Variants in ZNF799 observed in about 807,000 individuals in gnomAD.
ZNF799 encodes zinc finger protein 799, also known as zinc finger protein 14.
ZNF799 carries 28 observed loss-of-function variants against 41.0 expected under a neutral mutation model. That is an observed-to-expected ratio of 0.68 (90% confidence interval 0.51 to 0.94). The LOEUF is 0.94. ZNF799 is among the 40% of genes least tolerant of loss of function. ZNF799 has a pLI of 0.00. For synonymous variants in ZNF799, 213 were observed against 252.9 expected (o/e 0.84, Z 1.50); for missense variants, 716 against 764.3 (o/e 0.94, Z 0.74).
rs538671708 is a variant in ZNF799, at chr19:12,392,629, T to G, written c.165A>C (p.Gln55His). 8 of 1,600,700 alleles carry G rather than the reference T, an allele frequency of 5.0e-6. No individual in the cohort carries two copies. The African/African-American group carries it at 8.0e-5, about 16-fold the overall frequency. Residue 55 changes from glutamine (Q) to histidine (H), a missense_variant, in exon 3 of 4, where the codon CAA becomes CAC. This residue lies in a region of ZNF799 where 698 missense variants were observed against 713.6 expected (regional missense o/e 0.98). Coordinates refer to ENST00000430385, the MANE Select transcript of ZNF799 (RefSeq NM_001080821.3). ...TTAGATTTTTCCTGGGATATCTATATTGATCTTCAATGTTCTGGTCTTTCC... is the reference window on the plus strand; with the variant it reads ...TTAGATTTTTCCTGGGATATCTATAGTGATCTTCAATGTTCTGGTCTTTCC... ...MKWKDQNIED[Q>H]YRYPRKNLRC... is the part of the protein sequence containing the mutation.
At chr19:12,406,856 C>T in the ZNF799 span, among the ~76,000 whole-genome samples, 2 of 152,042 alleles carry the variant, frequency 1.3e-5, no homozygotes, top group African/African-American at 2.4e-5. Context: ...GCGGAGATCG[C>T]GTCACTGCAC....
At chr19:12,406,341 G>C in the ZNF799 span, among the ~76,000 whole-genome samples, 17 of 150,184 alleles carry the variant, frequency 1.1e-4, no homozygotes, top group East Asian at 2.4e-3. Context: ...AAAAATAGCC[G>C]GGCATGGTGG....
intron 1 of ZNF799, among the ~76,000 whole-genome samples, chr19:12,397,732 T>A (rs1568504083): frequency 6.6e-6 from 1 of 151,732 alleles, no homozygotes; most frequent in Non-Finnish European, 1.5e-5. Flanking sequence ...CAATTATATA[T>A]GTACATATGA....
upstream of ZNF799, among the ~76,000 whole-genome samples, chr19:12,402,617 GTT>G (rs35988396): frequency 6.6e-6 from 1 of 151,186 alleles, no homozygotes; most frequent in Non-Finnish European, 1.5e-5. Context: ...TCTATACCCA[GTT>G]TTTTTTTAGG....
In ZNF799 at chr19:12,390,140, C is replaced by A. The variant is rs1457467491; in HGVS notation, c.*326G>T. 12 of 453,482 alleles carry A rather than the reference C, an allele frequency of 2.6e-5. No homozygotes were observed. The highest frequency in any genetic ancestry group is 4.7e-5 in the Non-Finnish European group (12 of 254,530). 28.1% of individuals were successfully genotyped at this position (453,482 alleles called of 1,614,324 possible). A position where few individuals can be genotyped will look rare whatever the true frequency, so the allele number is the denominator to read the frequency against. Reference sequence around the variant, plus strand: ...CCTTATCATGAGTCCCTAAACAATACAATAGAACAACTATTTGCATAGCTT... The same window carrying A: ...CCTTATCATGAGTCCCTAAACAATAAAATAGAACAACTATTTGCATAGCTT... On this transcript the variant is annotated 3_prime_UTR_variant, in exon 4 of 4. Coordinates refer to ENST00000430385, the MANE Select transcript of ZNF799 (RefSeq NM_001080821.3).
the ZNF799 span, among the ~76,000 whole-genome samples, chr19:12,413,726 G>A: frequency 2.0e-5 from 3 of 152,174 alleles, no homozygotes; most frequent in Admixed American, 2.0e-4. Flanking sequence ...GTTACCCCCT[G>A]GGGAAGGCTC....
At chr19:12,405,979 C>G (rs747255984), upstream of ZNF799, among the ~76,000 whole-genome samples, 3 of 151,710 alleles carry the variant, frequency 2.0e-5, no homozygotes, top group Non-Finnish European at 4.4e-5. Flanking sequence ...TTGAGATCAT[C>G]CTGGCCAACA....
intron 2 of ZNF799, 112 bp from the exon 3 acceptor site, chr19:12,392,775 G>A: frequency 2.5e-6 from 2 of 787,376 alleles, no homozygotes; most frequent in Non-Finnish European, 4.1e-6. Flanking sequence ...AAGTACACCT[G>A]ACTCTTGAAA....
At position 12,391,329 on chromosome 19, in the gene ZNF799, T is replaced by C; in HGVS notation, c.1069A>G (p.Arg357Gly). The C allele has an allele frequency of 6.2e-7, 1 of 1,614,196 alleles. No homozygotes were observed. Among genetic ancestry groups the C allele is most frequent in the Admixed American group, 1.7e-5 (1 of 60,028 alleles). The change falls in exon 4 of 4, where the codon AGA (arginine) becomes GGA (glycine). Residue 357 changes from arginine to glycine, a missense_variant. By Grantham distance (125) the Arg-to-Gly change is moderately radical. This residue lies in a region of ZNF799 where 698 missense variants were observed against 713.6 expected (regional missense o/e 0.98). Coordinates refer to ENST00000430385, the MANE Select transcript of ZNF799 (RefSeq NM_001080821.3). The part of the protein sequence containing the change: ...DCPSSLKSHE[R>G]THTGEKLYEC... Reference sequence around the variant, plus strand: ...TAGAGTTTCTCTCCAGTGTGAGTTCTTTCATGACTTTTCAGTGAACTAGGA... The same window carrying C: ...TAGAGTTTCTCTCCAGTGTGAGTTCCTTCATGACTTTTCAGTGAACTAGGA...
upstream of ZNF799, among the ~76,000 whole-genome samples, chr19:12,401,787 G>A (rs1172287651): frequency 1.3e-5 from 2 of 151,826 alleles, no homozygotes; most frequent in Non-Finnish European, 2.9e-5. Context: ...TGTTGGCCAG[G>A]CTGGTCTCGA....
At chr19:12,407,860 A>C in the ZNF799 span, among the ~76,000 whole-genome samples, 1 of 152,188 alleles carries the variant, frequency 6.6e-6, no homozygotes, top group Non-Finnish European at 1.5e-5. Flanking sequence ...TTACTGGTAA[A>C]ATTTAAGAAA....
At chr19:12,399,706 C>G (rs1391684744) in intron 1 of ZNF799, among the ~76,000 whole-genome samples, 1 of 148,174 alleles carries the variant, frequency 6.7e-6, no homozygotes, top group African/African-American at 2.6e-5. Flanking sequence ...TGCAGAGGCA[C>G]GATCATAGCT....
At chr19:12,410,251 G>GTGCA in the ZNF799 span, among the ~76,000 whole-genome samples, 1 of 133,472 alleles carries the variant, frequency 7.5e-6, no homozygotes, top group Non-Finnish European at 1.6e-5. Flanking sequence ...CAATGTCTGT[G>GTGCA]TGCATATATA....
chr19:12,412,916 G>A, the ZNF799 span, among the ~76,000 whole-genome samples: 1 of 151,690 alleles, frequency 6.6e-6, no homozygotes, highest in Non-Finnish European at 1.5e-5. Flanking sequence ...GTGCGTGCCT[G>A]CCTACTCGGG....
intron 1 of ZNF799, among the ~76,000 whole-genome samples, chr19:12,399,662 G>A (rs1235860560): frequency 1.2e-5 from 1 of 84,920 alleles, no homozygotes; most frequent in East Asian, 3.3e-4. Flanking sequence ...TTTTTTTTTT[G>A]AGACAGGGTC....
chr19:12,408,141 C>T, the ZNF799 span, among the ~76,000 whole-genome samples: 1 of 151,664 alleles, frequency 6.6e-6, no homozygotes, highest in African/African-American at 2.4e-5. Flanking sequence ...ATGAGAGACC[C>T]TGTCTCAAAA....
intron 1 of ZNF799, among the ~76,000 whole-genome samples, chr19:12,398,979 A>T (rs576706294): frequency 2.0e-4 from 30 of 152,340 alleles, no homozygotes; most frequent in African/African-American, 6.7e-4. Flanking sequence ...CTCTTTCTAG[A>T]ATTACTTATA....
intron 1 of ZNF799, chr19:12,400,822 CG>C (rs1350310699): frequency 1.1e-5 from 7 of 609,652 alleles, no homozygotes; most frequent in Admixed American, 6.3e-5. Context: ...CGCGAGGCTG[CG>C]GGCGCGGAGC....
Position 12,390,765 on chromosome 19 carries a change from T to C in ZNF799, c.1633A>G (p.Thr545Ala), listed in dbSNP as rs1969797168. 2 of 1,614,124 alleles carry C rather than the reference T, an allele frequency of 1.2e-6. No individual in the cohort carries two copies. The highest frequency in any genetic ancestry group is 1.7e-6 in the Non-Finnish European group (2 of 1,179,962). Residue 545 changes from threonine (T) to alanine (A), a missense_variant, in exon 4 of 4, where the codon ACT becomes GCT. Thr to Ala is a moderately conservative substitution (Grantham distance 58). Transcript: ENST00000430385. ...KECGKAFSWL[T>A]CFLRHERIHM... is the part of the protein sequence containing the mutation. ...ATTCTTTCATGTCGTAGAAAGCAAGTGAGCCAAGAGAATGCTTTCCCACAT... is the reference window on the plus strand; with the variant it reads ...ATTCTTTCATGTCGTAGAAAGCAAGCGAGCCAAGAGAATGCTTTCCCACAT...
Sources: allele counts gnomAD v4.1 joint callset (sites outside exome capture counted in the v4.1 genomes callset), GRCh38; gene constraint gnomAD v4.1.1; regional missense constraint gnomAD v4.1.1; transcripts MANE v1.5; gene names NCBI Gene and HGNC (gene_info 2026-07-23, HGNC 2026-07-21).